Variants in ASPH observed in about 807,000 individuals in gnomAD.
The protein encoded by ASPH is aspartyl/asparaginyl beta-hydroxylase.
Under a neutral mutation model 118.4 loss-of-function variants are expected in ASPH, and 100 were observed. The observed-to-expected ratio is 0.84, with a 90% CI of 0.72 to 1.00. ASPH has a LOEUF of 1.00. Ranked by LOEUF, ASPH falls within the 50% of genes least tolerant of loss-of-function variation. The pLI, the probability that ASPH is intolerant of heterozygous loss-of-function variation, is 0.00. For synonymous variants in ASPH, 315 were observed against 325.6 expected (o/e 0.97, Z 0.35); for missense variants, 920 against 919.5 (o/e 1.00, Z -0.01).
At chr8:61,577,628 G>A (rs534961435) in intron 15 of ASPH, among the ~76,000 whole-genome samples, 1 of 152,310 alleles carries the variant, frequency 6.6e-6, no homozygotes, top group South Asian at 2.1e-4. Context: ...GAGGCCTAAG[G>A]AAACTTGCGA....
chr8:61,565,651 CTAA>C (rs1336911130), intron 17 of ASPH, among the ~76,000 whole-genome samples: 5 of 151,586 alleles, frequency 3.3e-5, no homozygotes, highest in Admixed American at 6.6e-5. Flanking sequence ...CACTAAACAG[CTAA>C]GATCACTGAT....
Position 61,553,064 on chromosome 8 carries a change from C to T in ASPH, c.1593G>A (p.Leu531=). ...GTDDGRFYFH[L]GDAMQRVGNK... ...TCCCAACCCTCTGCATGGCATCCCC[C>T]AGGTGGAAATAAAATCTCCCATCAT... Residue 531 remains leucine (L), a synonymous_variant, in exon 20 of 25, where the codon CTG becomes CTA. Transcript: ENST00000379454. 2 of 1,613,700 alleles carry T rather than the reference C, an allele frequency of 1.2e-6. No individual in the cohort carries two copies. The highest frequency in any genetic ancestry group is 1.7e-6 in the Non-Finnish European group (2 of 1,179,702).
intron 15 of ASPH, among the ~76,000 whole-genome samples, chr8:61,580,660 A>T (rs929596217): frequency 6.6e-6 from 1 of 152,232 alleles, no homozygotes; most frequent in Non-Finnish European, 1.5e-5. Context: ...GTCTATTCCC[A>T]GTATTTCTTG....
intron 1 of ASPH, among the ~76,000 whole-genome samples, chr8:61,703,928 A>C (rs1340199708): frequency 6.6e-6 from 1 of 152,186 alleles, no homozygotes; most frequent in Non-Finnish European, 1.5e-5. Flanking sequence ...AAGGACAAAC[A>C]GATAACAAAA....
intron 14 of ASPH, among the ~76,000 whole-genome samples, chr8:61,610,408 G>A (rs1028297553): frequency 6.6e-6 from 1 of 152,168 alleles, no homozygotes; most frequent in Non-Finnish European, 1.5e-5. Context: ...TATATGCTGA[G>A]CTTATTTCAA....
chr8:61,691,492 C>T (rs1832630203), intron 1 of ASPH, among the ~76,000 whole-genome samples: 1 of 152,188 alleles, frequency 6.6e-6, no homozygotes, highest in African/African-American at 2.4e-5. Flanking sequence ...GTTAAGGTGA[C>T]CCACCATTTC....
chr8:61,529,914 T>TAATCATC (rs1816935507), intron 21 of ASPH, among the ~76,000 whole-genome samples: 1 of 152,198 alleles, frequency 6.6e-6, no homozygotes, highest in Non-Finnish European at 1.5e-5. Flanking sequence ...CCTTAAGGCA[T>TAATCATC]AATCATCACC....
rs184558557 is a variant in ASPH, at chr8:61,500,569, G to A, written c.*2790C>T. 7.7e-4 allele frequency: 117 copies of A among 152,212 alleles called. No individual in the cohort carries two copies. The highest frequency in any genetic ancestry group is 2.8e-3 in the African/African-American group (116 of 41,512). The allele number at this position is 152,212 out of a possible 1,614,324, so 9.4% of individuals were successfully genotyped here. A position where few individuals can be genotyped will look rare whatever the true frequency, so the allele number is the denominator to read the frequency against. On this transcript the variant is annotated 3_prime_UTR_variant, in exon 25 of 25. Coordinates refer to ENST00000379454, the MANE Select transcript of ASPH (RefSeq NM_004318.4). The stretch of plus-strand genomic sequence containing the variant: ...AGAAATGCAGGATGAAATGTCAAAG[G>A]TCATTTTATTTACCTAGTCTCCTTA...
chr8:61,676,162 G>T (rs370427136), intron 3 of ASPH: 1 of 1,599,098 alleles, frequency 6.3e-7, no homozygotes, highest in Non-Finnish European at 8.5e-7. Context: ...CTGCGGTTTC[G>T]CTTTCTTCTT....
intron 20 of ASPH, among the ~76,000 whole-genome samples, chr8:61,551,117 T>G (rs1825843650): frequency 6.6e-6 from 1 of 152,200 alleles, no homozygotes; most frequent in South Asian, 2.1e-4. Flanking sequence ...TAAATCTAGC[T>G]AGAACGTGGA....
intron 18 of ASPH, 84 bp downstream of exon 18, chr8:61,562,660 A>C: frequency 3.8e-6 from 5 of 1,302,216 alleles, no homozygotes; most frequent in Non-Finnish European, 5.1e-6. Flanking sequence ...AATTTAAAAT[A>C]AAGAGAGACT....
intron 14 of ASPH, among the ~76,000 whole-genome samples, chr8:61,590,590 GA>G (rs1840825401): frequency 6.7e-6 from 1 of 148,846 alleles, no homozygotes; most frequent in Non-Finnish European, 1.5e-5. Context: ...GTGTGTGTAT[GA>G]ATTTCTCCCA....
chr8:61,685,455 T>C (rs1289509819), intron 1 of ASPH, among the ~76,000 whole-genome samples: 1 of 152,144 alleles, frequency 6.6e-6, no homozygotes, highest in Non-Finnish European at 1.5e-5. Flanking sequence ...TCTCTACAGC[T>C]CTGAGTTCCT....
chr8:61,609,360 C>T (rs1846593136), intron 14 of ASPH, among the ~76,000 whole-genome samples: 1 of 126,928 alleles, frequency 7.9e-6, no homozygotes, highest in South Asian at 2.9e-4. Context: ...GATTTGCCTG[C>T]TGCCTCCCGC....
chr8:61,706,332 A>C (rs1836602758), intron 1 of ASPH, among the ~76,000 whole-genome samples: 1 of 141,262 alleles, frequency 7.1e-6, no homozygotes, highest in Non-Finnish European at 1.5e-5. Context: ...CTGAGGTCGG[A>C]GGATCACCGG....
intron 13 of ASPH, chr8:61,633,085 G>C (rs908726586): frequency 6.5e-6 from 1 of 154,834 alleles, no homozygotes; most frequent in Non-Finnish European, 1.4e-5. Context: ...AAATGCATTT[G>C]AAAGCATAGG....
intron 3 of ASPH, among the ~76,000 whole-genome samples, chr8:61,671,880 A>T (rs935820873): frequency 6.6e-6 from 1 of 152,242 alleles, no homozygotes; most frequent in Non-Finnish European, 1.5e-5. Context: ...AATAGACATG[A>T]TTTTAGAAGA....
At chr8:61,618,554 A>T (rs1849815689) in intron 14 of ASPH, among the ~76,000 whole-genome samples, 1 of 152,246 alleles carries the variant, frequency 6.6e-6, no homozygotes, top group South Asian at 2.1e-4. Flanking sequence ...TTGACATATC[A>T]ACAATAAATG....
chr8:61,675,950 G>A (rs1433157335), intron 3 of ASPH: 6 of 1,510,404 alleles, frequency 4.0e-6, no homozygotes, highest in Middle Eastern at 1.9e-4. Context: ...TCACATGGTT[G>A]ACTTGCACGG....
Sources: allele counts gnomAD v4.1 joint callset (sites outside exome capture counted in the v4.1 genomes callset), GRCh38; gene constraint gnomAD v4.1.1; transcripts MANE v1.5; gene names NCBI Gene and HGNC (gene_info 2026-07-23, HGNC 2026-07-21).